KCNT2: variants seen among roughly 807,000 people sequenced by gnomAD.
KCNT2 encodes potassium channel subfamily T member 2.
A neutral mutation model predicts 153.8 loss-of-function variants in KCNT2; 67 were observed. That is an observed-to-expected ratio of 0.44 (90% CI 0.36 to 0.53). The LOEUF (loss-of-function observed/expected upper bound fraction) is 0.53. Ranked by LOEUF, KCNT2 falls within the 20% of genes least tolerant of loss-of-function variation. The probability of loss-of-function intolerance (pLI) is 0.00; values close to 1 mark genes in which losing one functional copy is unlikely to be tolerated. For missense variants in KCNT2, 975 were observed against 1,354.8 expected (o/e 0.72, Z 4.40); for synonymous variants, 500 against 458.8 (o/e 1.09, Z -1.15).
intron 20 of KCNT2, among the ~76,000 whole-genome samples, chr1:196,318,207 T>C (rs1052416989): frequency 6.6e-6 from 1 of 151,680 alleles, no homozygotes; most frequent in Admixed American, 6.6e-5. Context: ...AGACCCCTTT[T>C]TGCAAGGACT....
intron 8 of KCNT2, among the ~76,000 whole-genome samples, chr1:196,458,142 G>A (rs148488106): frequency 6.6e-6 from 1 of 151,720 alleles, no homozygotes; most frequent in Non-Finnish European, 1.5e-5. Context: ...ATATATAGGT[G>A]TATAATATTC....
chr1:196,384,516 A>T (rs182809317), intron 13 of KCNT2, among the ~76,000 whole-genome samples: 51 of 152,216 alleles, frequency 3.4e-4, no homozygotes, highest in African/African-American at 1.1e-3. Flanking sequence ...TCATGGCGAA[A>T]GCCCATCTCT....
intron 14 of KCNT2, among the ~76,000 whole-genome samples, chr1:196,355,752 A>C (rs1368215659): frequency 1.3e-5 from 2 of 151,772 alleles, no homozygotes; most frequent in African/African-American, 4.8e-5. Flanking sequence ...TGAAAAAATA[A>C]ATTCACTTGT....
intron 1 of KCNT2, among the ~76,000 whole-genome samples, chr1:196,546,145 G>C (rs1002831068): frequency 2.6e-5 from 4 of 151,990 alleles, no homozygotes; most frequent in Non-Finnish European, 4.4e-5. Flanking sequence ...AATTTTATGA[G>C]AGTTGTAACT....
chr1:196,280,417 A>C (rs1658985257), intron 25 of KCNT2, among the ~76,000 whole-genome samples: 1 of 152,222 alleles, frequency 6.6e-6, no homozygotes, highest in South Asian at 2.1e-4. Flanking sequence ...AGATTGAGAA[A>C]TGTGAATTTT....
intron 1 of KCNT2, among the ~76,000 whole-genome samples, chr1:196,579,871 G>A (rs573953380): frequency 6.6e-6 from 1 of 152,224 alleles, no homozygotes; most frequent in Non-Finnish European, 1.5e-5. Flanking sequence ...GCTTTCATTG[G>A]TGATACAGCT....
chr1:196,335,655 C>T (rs1312047572), intron 16 of KCNT2, among the ~76,000 whole-genome samples: 1 of 152,302 alleles, frequency 6.6e-6, no homozygotes, highest in South Asian at 2.1e-4. Context: ...CAAGCTTCTT[C>T]CTCATTATAA....
At chr1:196,497,490 T>C (rs986378650) in intron 1 of KCNT2, among the ~76,000 whole-genome samples, 2 of 152,146 alleles carry the variant, frequency 1.3e-5, no homozygotes, top group African/African-American at 4.8e-5. Flanking sequence ...TAAAGTATAA[T>C]GGAGGCTGTA....
intron 1 of KCNT2, among the ~76,000 whole-genome samples, chr1:196,525,883 A>AC: frequency 6.6e-6 from 1 of 152,258 alleles, no homozygotes; most frequent in Non-Finnish European, 1.5e-5. Flanking sequence ...CATATACATA[A>AC]AACAAGGTTA....
chr1:196,274,820 T>C (rs866558860), intron 25 of KCNT2, among the ~76,000 whole-genome samples: 1 of 151,854 alleles, frequency 6.6e-6, no homozygotes, highest in South Asian at 2.1e-4. Context: ...GGTTATAGTA[T>C]ACTTCAAACA....
At chr1:196,540,236 G>A (rs2148870376) in intron 1 of KCNT2, among the ~76,000 whole-genome samples, 1 of 152,164 alleles carries the variant, frequency 6.6e-6, no homozygotes, top group South Asian at 2.1e-4. Flanking sequence ...TCTAACCACT[G>A]TCAAAAATAA....
intron 13 of KCNT2, among the ~76,000 whole-genome samples, chr1:196,381,713 G>T (rs1206468991): frequency 6.6e-6 from 1 of 152,126 alleles, no homozygotes. Context: ...ATGACCACTT[G>T]CTACCAGATG....
At chr1:196,543,460 A>G (rs1322621852) in intron 1 of KCNT2, among the ~76,000 whole-genome samples, 1 of 152,116 alleles carries the variant, frequency 6.6e-6, no homozygotes, top group African/African-American at 2.4e-5. Flanking sequence ...CTTCCATCTT[A>G]TTACTCTCAA....
chr1:196,462,723 T>C (rs1426622700), intron 8 of KCNT2, among the ~76,000 whole-genome samples: 2 of 151,818 alleles, frequency 1.3e-5, no homozygotes, highest in Non-Finnish European at 2.9e-5. Flanking sequence ...CCTCATTTAA[T>C]GATGTGTAAA....
chr1:196,542,712 T>A (rs551701127), intron 1 of KCNT2, among the ~76,000 whole-genome samples: 2 of 152,220 alleles, frequency 1.3e-5, no homozygotes, highest in African/African-American at 4.8e-5. Context: ...AATACATAGA[T>A]TTATTGAATG....
chr1:196,234,892 G>T (rs1047493072), intron 27 of KCNT2, among the ~76,000 whole-genome samples: 1 of 151,252 alleles, frequency 6.6e-6, no homozygotes, highest in Non-Finnish European at 1.5e-5. Context: ...ACAATCTATA[G>T]TTAGTTACCC....
intron 13 of KCNT2, among the ~76,000 whole-genome samples, chr1:196,392,248 A>T (rs1276835003): frequency 6.6e-6 from 1 of 151,214 alleles, no homozygotes; most frequent in African/African-American, 2.4e-5. Flanking sequence ...GAAAGTAAAA[A>T]ATAGTGAGGA....
At chr1:196,604,465 A>G (rs1476968762) in intron 1 of KCNT2, among the ~76,000 whole-genome samples, 1 of 152,128 alleles carries the variant, frequency 6.6e-6, no homozygotes, top group Non-Finnish European at 1.5e-5. Context: ...ATGTCAAACA[A>G]GTAAGTGTGC....
chr1:196,510,236 A>G (rs1681497259), intron 1 of KCNT2, among the ~76,000 whole-genome samples: 3 of 152,178 alleles, frequency 2.0e-5, no homozygotes, highest in African/African-American at 7.2e-5. Context: ...GAAATATATT[A>G]ATAAATAGTG....
Sources: gnomAD v4.1 joint callset for allele counts (sites outside exome capture counted in the v4.1 genomes callset) on GRCh38, gnomAD v4.1.1 for gene constraint, MANE v1.5 for transcripts, NCBI Gene and HGNC (gene_info 2026-07-23, HGNC 2026-07-21) for gene names.